Variants in ZNF76 observed in about 807,000 individuals in gnomAD.
ZNF76 encodes zinc finger protein 523.
Under a neutral mutation model 66.9 loss-of-function variants are expected in ZNF76, and 66 were observed. The observed-to-expected ratio is 0.99, with a 90% CI of 0.81 to 1.21. The LOEUF (loss-of-function observed/expected upper bound fraction) is 1.21, where lower values mean the gene tolerates loss of function less well. ZNF76 is among the 50% of genes most tolerant of loss of function. The probability of loss-of-function intolerance (pLI) is 0.00; values close to 1 mark genes in which losing one functional copy is unlikely to be tolerated. For missense variants in ZNF76, 729 were observed against 760.3 expected (o/e 0.96, Z 0.48); for synonymous variants, 275 against 296.1 (o/e 0.93, Z 0.73).
In ZNF76 at chr6:35,286,408, A is replaced by C; in HGVS notation, c.232+9A>C. 1 of 1,613,552 alleles carries C rather than the reference A, an allele frequency of 6.2e-7. No individual in the cohort carries two copies. The highest frequency in any genetic ancestry group is 8.5e-7 in the Non-Finnish European group (1 of 1,179,754). ...ACACCGCACACCCAGAGGTAGGGTC[A>C]CCATCATCACAACTCGGGGAAGGAT... On this transcript the variant is annotated intron_variant, in intron 4 of 13. Transcript: ENST00000373953.
chr6:35,274,692 C>G (rs1398933498), intron 1 of ZNF76, among the ~76,000 whole-genome samples: 2 of 152,248 alleles, frequency 1.3e-5, no homozygotes, highest in African/African-American at 4.8e-5. Context: ...GCATGCCAAC[C>G]TGGGCAACAA....
intron 1 of ZNF76, among the ~76,000 whole-genome samples, chr6:35,263,300 A>G (rs1785516797): frequency 6.6e-6 from 1 of 152,146 alleles, no homozygotes; most frequent in Admixed American, 6.6e-5. Flanking sequence ...CCCTCCCACT[A>G]TCCTATCCTG....
chr6:35,292,308 A>C lies in ZNF76; in HGVS notation c.932-246A>C. On this transcript the variant is annotated intron_variant, in intron 9 of 13. Coordinates refer to ENST00000373953, the MANE Select transcript of ZNF76 (RefSeq NM_003427.5). This position sits in a 1 kb window ranked among gnomAD's most constrained non-coding sequence, Gnocchi z 4.7. Reference sequence around the variant, plus strand: ...AGTGCCCCCTACCAGCCCCTTCACTAGCCCCAGCCTTGCCCTGTCCCCCGT... The same window carrying C: ...AGTGCCCCCTACCAGCCCCTTCACTCGCCCCAGCCTTGCCCTGTCCCCCGT... 1 of 550,100 alleles carries C rather than the reference A, an allele frequency of 1.8e-6. No individual in the cohort carries two copies. The highest frequency in any genetic ancestry group is 3.3e-6 in the Non-Finnish European group (1 of 304,528). The allele number at this position is 550,100 out of a possible 1,614,324, so 34.1% of individuals were successfully genotyped here.
rs1301861681 is a variant in ZNF76 at position 35,292,321 on chromosome 6, C to A, written c.932-233C>A. 2 of 579,578 alleles carry A rather than the reference C, an allele frequency of 3.5e-6. No homozygotes were observed. Among genetic ancestry groups the A allele is most frequent in the Non-Finnish European group, 3.1e-6 (1 of 321,276 alleles). 35.9% of individuals were successfully genotyped at this position (579,578 alleles called of 1,614,324 possible). ...AGCCCCTTCACTAGCCCCAGCCTTG[C>A]CCTGTCCCCCGTTTCCTTTCCGCCT... On this transcript the variant is annotated intron_variant, in intron 9 of 13. Coordinates refer to ENST00000373953, the MANE Select transcript of ZNF76 (RefSeq NM_003427.5). This position sits in a 1 kb window ranked among gnomAD's most constrained non-coding sequence, Gnocchi z 4.7.
At position 35,286,354 on chromosome 6, in the gene ZNF76, C is replaced by T; in HGVS notation, c.187C>T (p.Gln63Ter). Residue 63 changes from glutamine (Q) to a stop codon, truncating the protein, a stop_gained, in exon 4 of 14, where the codon CAG becomes TAG. Transcript: ENST00000373953. LOFTEE classifies it high-confidence loss of function. ...ALSFEDGQPV[Q>*]LEDGSMAYIH... is the part of the protein sequence containing the mutation. ...CTCCTTTGAGGATGGTCAGCCTGTG[C>T]AGCTGGAAGATGGCAGCATGGCTTA... is the stretch of plus-strand genomic sequence containing the variant. 3 of 1,614,176 alleles carry T rather than the reference C, an allele frequency of 1.9e-6. No individual in the cohort carries two copies. Among genetic ancestry groups the T allele is most frequent in the South Asian group, 1.1e-5 (1 of 91,084 alleles).
At chr6:35,295,111 T>C in intron 13 of ZNF76, 33 bp from the exon 14 acceptor site, 1 of 1,558,098 alleles carries the variant, frequency 6.4e-7, no homozygotes, top group Non-Finnish European at 8.8e-7. Context: ...AGGGTCTCAC[T>C]GTCTCCTTCC....
In ZNF76 at chr6:35,262,256, T is replaced by C. The variant is rs1205584425; in HGVS notation, c.-97+2415T>C. 5.5e-5 allele frequency among the ~76,000 whole-genome samples: 3 copies of C among 54,972 alleles called. No individual in the cohort carries two copies. The East Asian group carries it at 1.1e-3, about 21-fold the overall frequency. The allele number at this position is 54,972 out of a possible 152,430, so 36.1% of individuals were successfully genotyped here. Reference sequence around the variant, plus strand: ...TCTGAGTATAGGGAGGGCACCTCTTTATGAGGAGGGTATTATGACCTGCTT... The same window carrying C: ...TCTGAGTATAGGGAGGGCACCTCTTCATGAGGAGGGTATTATGACCTGCTT... On this transcript the variant is annotated intron_variant, in intron 1 of 13. Coordinates refer to ENST00000373953, the MANE Select transcript of ZNF76 (RefSeq NM_003427.5).
At chr6:35,266,386 C>T (rs1206758934) in intron 1 of ZNF76, among the ~76,000 whole-genome samples, 2 of 151,964 alleles carry the variant, frequency 1.3e-5, no homozygotes, top group African/African-American at 4.8e-5. Flanking sequence ...CTCCTGAACT[C>T]GTGATCTGCC....
chr6:35,265,519 AAAAGAAG>A (rs1472326711), intron 1 of ZNF76, among the ~76,000 whole-genome samples: 259 of 148,476 alleles, frequency 1.7e-3, no homozygotes, highest in African/African-American at 6.5e-3. Flanking sequence ...AAAAAAAAAA[AAAAGAAG>A]AAGAAGAAGA....
At chr6:35,264,980 G>A (rs535699960) in intron 1 of ZNF76, among the ~76,000 whole-genome samples, 1 of 152,096 alleles carries the variant, frequency 6.6e-6, no homozygotes, top group Non-Finnish European at 1.5e-5. Context: ...TCCCCTTCTT[G>A]CCTAAAGGTT....
In ZNF76 at chr6:35,291,413, G is replaced by A. The variant is rs755264162; in HGVS notation, c.751+10G>A. ...GTCCGTACCCACACTGGTATGCTGG[G>A]CCCTGCCCACTCCAACCCCATTCCC... is the stretch of plus-strand genomic sequence containing the variant. On this transcript the variant is annotated intron_variant, in intron 8 of 13. Transcript: ENST00000373953. The A allele has an allele frequency of 1.2e-6, 2 of 1,614,080 alleles. No homozygotes were observed. Among genetic ancestry groups the A allele is most frequent in the Non-Finnish European group, 1.7e-6 (2 of 1,180,002 alleles).
Position 35,291,582 on chromosome 6 carries a change from T to A in ZNF76, c.776T>A (p.Phe259Tyr). 1.9e-6 allele frequency: 3 copies of A among 1,613,984 alleles called. No individual in the cohort carries two copies. Among genetic ancestry groups the A allele is most frequent in the Non-Finnish European group, 2.5e-6 (3 of 1,179,870 alleles). ...GGTGAACGCCCGTTCCAGTGCCCTT[T>A]TGAGGGCTGTGGCCGCTCCTTCACC... is the stretch of plus-strand genomic sequence containing the variant. ...HTGERPFQCP[F>Y]EGCGRSFTTS... Residue 259 changes from phenylalanine (F) to tyrosine (Y), a missense_variant, in exon 9 of 14, where the codon TTT (phenylalanine) becomes TAT (tyrosine). Coordinates refer to ENST00000373953, the MANE Select transcript of ZNF76 (RefSeq NM_003427.5).
At chr6:35,290,807 T>C in intron 7 of ZNF76, 91 bp downstream of exon 7, 1 of 1,252,414 alleles carries the variant, frequency 8.0e-7, no homozygotes, top group Non-Finnish European at 1.2e-6. Context: ...ACCAGGCTGC[T>C]TTCCTGGAGA....
At chr6:35,281,735 A>T (rs1339600254) in intron 2 of ZNF76, among the ~76,000 whole-genome samples, 2 of 152,078 alleles carry the variant, frequency 1.3e-5, no homozygotes, top group African/African-American at 2.4e-5. Flanking sequence ...GTTGGAGACC[A>T]GCCTGGGCAA....
intron 1 of ZNF76, among the ~76,000 whole-genome samples, chr6:35,264,257 G>A (rs1249136670): frequency 1.3e-5 from 2 of 152,208 alleles, no homozygotes; most frequent in East Asian, 3.8e-4. Context: ...TGATTTAAAC[G>A]TCGGTAATTT....
chr6:35,267,075 A>G (rs1349264421), intron 1 of ZNF76, among the ~76,000 whole-genome samples: 2 of 151,886 alleles, frequency 1.3e-5, no homozygotes, highest in African/African-American at 2.4e-5. Flanking sequence ...CTGGGATTAC[A>G]GGCTTGAGCC....
intron 1 of ZNF76, among the ~76,000 whole-genome samples, chr6:35,264,697 G>A (rs1473623051): frequency 6.6e-6 from 1 of 152,092 alleles, no homozygotes; most frequent in Non-Finnish European, 1.5e-5. Flanking sequence ...CTGTTATCTA[G>A]GTTAAGTAGT....
chr6:35,280,653 T>C (rs990048189), intron 1 of ZNF76, among the ~76,000 whole-genome samples: 9 of 151,840 alleles, frequency 5.9e-5, no homozygotes, highest in Non-Finnish European at 1.2e-4. Flanking sequence ...GTGTGGTACA[T>C]GTGGGATGTT....
In ZNF76 at chr6:35,295,186, A is replaced by G. The variant is rs1009414429; in HGVS notation, c.1651A>G (p.Thr551Ala). 2 of 1,612,712 alleles carry G rather than the reference A, an allele frequency of 1.2e-6. No homozygotes were observed. Among genetic ancestry groups the G allele is most frequent in the African/African-American group, 1.3e-5 (1 of 75,048 alleles). Residue 551 changes from threonine (T) to alanine (A), a missense_variant, in exon 14 of 14, where the codon ACT (threonine) becomes GCT (alanine). Transcript: ENST00000373953. ...CTTAGAGGAGGCCATCAATGTGGCC[A>G]CTGCGGCCATGCAGCAAGGGGCTGT... ...QTLEEAINVATAAMQQGAVTL... is the reference protein window; with the variant it reads ...QTLEEAINVAAAAMQQGAVTL...
Sources: allele counts gnomAD v4.1 joint callset (sites outside exome capture counted in the v4.1 genomes callset), GRCh38; gene constraint gnomAD v4.1.1; non-coding constraint Gnocchi (gnomAD v3.1); transcripts MANE v1.5; gene names NCBI Gene and HGNC (gene_info 2026-07-23, HGNC 2026-07-21).